Variants in RNF213 observed in about 807,000 individuals in gnomAD.
RNF213 encodes the protein ring finger protein 213, also known as E3 ubiquitin-protein ligase RNF213.
In RNF213, 341 loss-of-function variants were observed where a neutral mutation model predicts 514.4. That is an observed-to-expected ratio of 0.66 (90% confidence interval 0.61 to 0.73). RNF213 has a LOEUF of 0.73. Ranked by LOEUF, RNF213 falls within the 30% of genes least tolerant of loss-of-function variation. The pLI is 0.00. For synonymous variants in RNF213, 2,655 were observed against 2,658.2 expected, an observed-to-expected ratio of 1.00 and a Z score of 0.04; for missense variants, 5,767 against 6,615.6, an observed-to-expected ratio of 0.87 and a Z score of 4.45.
Position 80,393,452 on chromosome 17 carries a change from T to C in RNF213, c.15578T>C (p.Val5193Ala), listed in dbSNP as rs993335128. The change falls in exon 68 of 68, where the codon GTG becomes GCG. Residue 5193 changes from valine (V) to alanine (A), a missense_variant. Val to Ala is a moderately conservative substitution (Grantham distance 64). Transcript: ENST00000582970. ...EEILLASCVSVWKTAAVLKWN... is the reference protein window; with the variant it reads ...EEILLASCVSAWKTAAVLKWN... Reference sequence around the variant, plus strand: ...ATACTGCTCGCCAGCTGTGTCTCAGTGTGGAAAACAGCTGCTGTGCTGAAA... The same window carrying C: ...ATACTGCTCGCCAGCTGTGTCTCAGCGTGGAAAACAGCTGCTGTGCTGAAA... 1.5e-5 allele frequency: 25 copies of C among 1,614,072 alleles called. No homozygotes were observed. The Admixed American group carries it at 1.7e-4, about 11-fold the overall frequency.
Position 80,295,813 on chromosome 17 carries a change from GGTATTAT to G in RNF213, c.2012+1_2012+7del. 1 of 1,613,996 alleles carries G rather than the reference GGTATTAT, an allele frequency of 6.2e-7. No individual in the cohort carries two copies. Among genetic ancestry groups the G allele is most frequent in the Non-Finnish European group, 8.5e-7 (1 of 1,179,994 alleles). ...AGCCACATCCTTGGGATACCTCAGAGGTATTATTATTTTTTGTCAAAATGTTTTTTAT... is the reference window on the plus strand; with the variant it reads ...AGCCACATCCTTGGGATACCTCAGAGTATTTTTTGTCAAAATGTTTTTTAT... On this transcript the variant is annotated splice_donor_variant and splice_donor_5th_base_variant and intron_variant, in intron 10 of 67. Coordinates refer to ENST00000582970, the MANE Select transcript of RNF213 (RefSeq NM_001256071.3). LOFTEE classifies it high-confidence loss of function.
At chr17:80,376,839 A>C in intron 52 of RNF213, 43 bp from the exon 53 acceptor site, 1 of 1,542,308 alleles carries the variant, frequency 6.5e-7, no homozygotes, top group South Asian at 1.1e-5. Flanking sequence ...CCCAGGTGAC[A>C]AGCTCACTTA....
In RNF213 at chr17:80,337,649, C is replaced by G. The variant is rs368850066; in HGVS notation, c.4591C>G (p.Arg1531Gly). 2 of 1,537,272 alleles carry G rather than the reference C, an allele frequency of 1.3e-6. No homozygotes were observed. Among genetic ancestry groups the G allele is most frequent in the Non-Finnish European group, 1.7e-6 (2 of 1,146,922 alleles). Residue 1531 changes from arginine (R) to glycine (G), a missense_variant, in exon 24 of 68, where the codon CGC becomes GGC. Arg to Gly is a moderately radical substitution (Grantham distance 125). Around this residue, in one of 13 missense-constraint regions of RNF213, gnomAD observed 1,377 missense variants for 1,635.2 expected, o/e 0.84. Coordinates refer to ENST00000582970, the MANE Select transcript of RNF213 (RefSeq NM_001256071.3). ...GAATGAGAGTCATGGGTCTGTGGAACGCTCATCCCTGACCCTGGCCACGGC... is the reference window on the plus strand; with the variant it reads ...GAATGAGAGTCATGGGTCTGTGGAAGGCTCATCCCTGACCCTGGCCACGGC... The part of the protein sequence containing the change: ...TVNESHGSVE[R>G]SSLTLATAIN...
chr17:80,295,501 A>G, intron 9 of RNF213, 56 bp from the exon 10 acceptor site: 1 of 1,608,958 alleles, frequency 6.2e-7, no homozygotes, highest in African/African-American at 1.3e-5. Context: ...AGCTCTGGAC[A>G]CTGCCGGTGA....
intron 36 of RNF213, among the ~76,000 whole-genome samples, chr17:80,357,937 A>G (rs1033785006): frequency 1.3e-5 from 2 of 152,230 alleles, no homozygotes; most frequent in African/African-American, 2.4e-5. Context: ...ATGACGATCT[A>G]TGATTGTGTC....
In RNF213 at chr17:80,343,193, T is replaced by C. The variant is rs991227567; in HGVS notation, c.6051T>C (p.Asn2017=). 1.2e-6 allele frequency: 2 copies of C among 1,613,814 alleles called. No individual in the cohort carries two copies. Among genetic ancestry groups the C allele is most frequent in the African/African-American group, 2.7e-5 (2 of 74,846 alleles). The change falls in exon 27 of 68, where the codon AAT becomes AAC. Residue 2017 remains asparagine, a synonymous_variant. Coordinates refer to ENST00000582970, the MANE Select transcript of RNF213 (RefSeq NM_001256071.3). This position sits in a 1 kb window ranked among gnomAD's most constrained non-coding sequence, Gnocchi z 4.3. ...TGAAGATGCAGTTAAACGTGAAAAA[T>C]GTGCCTCTGAAAACAATTCGACTGA... ...DKMKMQLNVK[N]VPLKTIRLID... is the part of the protein sequence containing the mutation.
At chr17:80,376,235 T>C (rs1326353853) in intron 51 of RNF213, 66 bp from the exon 52 acceptor site, 3 of 1,566,596 alleles carry the variant, frequency 1.9e-6, no homozygotes, top group Admixed American at 1.7e-5. Context: ...GGTGTCAGTG[T>C]ATGTCTAAGA....
In RNF213 at chr17:80,315,322, T is replaced by A. The variant is rs867108566; in HGVS notation, c.2812-1866T>A. 2.7e-4 allele frequency among the ~76,000 whole-genome samples: 8 copies of A among 29,210 alleles called. 1 individual carries two copies. The highest frequency in any genetic ancestry group is 1.2e-3 in the East Asian group (1 of 820). The allele number at this position is 29,210 out of a possible 152,430, so 19.2% of individuals were successfully genotyped here. Reference sequence around the variant, plus strand: ...GAGGTAATGGAGGTGATGGTGGTGGTGGTGATGGTGGAGGTACTAGAGGTG... The same window carrying A: ...GAGGTAATGGAGGTGATGGTGGTGGAGGTGATGGTGGAGGTACTAGAGGTG... On this transcript the variant is annotated intron_variant, in intron 15 of 67. Coordinates refer to ENST00000582970, the MANE Select transcript of RNF213 (RefSeq NM_001256071.3).
In RNF213 at chr17:80,393,640, G is replaced by A. The variant is rs907079103; in HGVS notation, c.*142G>A. On this transcript the variant is annotated 3_prime_UTR_variant, in exon 68 of 68. Coordinates refer to ENST00000582970, the MANE Select transcript of RNF213 (RefSeq NM_001256071.3). ...GTAGCACCGAATTCAAGACCAAGGC[G>A]TGCTACCTGAGCTGACAGCTTTTTG... The A allele has an allele frequency of 5.4e-5, 47 of 873,492 alleles. No homozygotes were observed. Among genetic ancestry groups the A allele is most frequent in the African/African-American group, 4.5e-4 (27 of 59,524 alleles). The allele number at this position is 873,492 out of a possible 1,614,324, so 54.1% of individuals were successfully genotyped here.
In RNF213 at chr17:80,398,273, GTTCT is replaced by G. The variant is rs1282233287; in HGVS notation, c.*4778_*4781del. ...AAGTGTGTGTGTGCCCTTTTTACCT[GTTCT>G]TTGTTTTGTGGTATGCGTGTAGGGT... On this transcript the variant is annotated 3_prime_UTR_variant, in exon 68 of 68. Transcript: ENST00000582970. 13 of 152,148 alleles carry G rather than the reference GTTCT, an allele frequency of 8.5e-5. 1 individual carries two copies. The highest frequency in any genetic ancestry group is 3.4e-3 in the Middle Eastern group (1 of 294). The allele number at this position is 152,148 out of a possible 1,614,324, so 9.4% of individuals were successfully genotyped here. A position where few individuals can be genotyped will look rare whatever the true frequency, so the allele number is the denominator to read the frequency against.
intron 25 of RNF213, among the ~76,000 whole-genome samples, chr17:80,338,593 G>A (rs2078054754): frequency 6.6e-6 from 1 of 151,600 alleles, no homozygotes; most frequent in African/African-American, 2.4e-5. Context: ...TGACCAGCCT[G>A]GGCAACATAG....
chr17:80,291,778 G>T lies in RNF213; in HGVS notation c.1422G>T (p.Glu474Asp). ...ACAAGCACCAGCAGAAGAAGGGCGA[G>T]TACGTCAACCGCTGTCTGTTCATAA... The part of the protein sequence containing the change: ...FIYKHQQKKG[E>D]YVNRCLFIKS... Residue 474 changes from glutamate to aspartate, a missense_variant, in exon 8 of 68, where the codon GAG becomes GAT. Physicochemically the swap from Glu to Asp is conservative, Grantham distance 45 (BLOSUM62 2). Around this residue, in one of 13 missense-constraint regions of RNF213, gnomAD observed 592 missense variants for 673.9 expected, o/e 0.88. Coordinates refer to ENST00000582970, the MANE Select transcript of RNF213 (RefSeq NM_001256071.3). The T allele has an allele frequency of 6.2e-7, 1 of 1,614,228 alleles. No homozygotes were observed. The highest frequency in any genetic ancestry group is 8.5e-7 in the Non-Finnish European group (1 of 1,180,044).
intron 23 of RNF213, chr17:80,336,645 G>A (rs1224352695): frequency 6.5e-6 from 3 of 461,200 alleles, no homozygotes; most frequent in Non-Finnish European, 1.2e-5. Flanking sequence ...ATGCTGAAAC[G>A]TTGCCAGGAG....
chr17:80,369,531 G>A lies in RNF213; in HGVS notation c.12185G>A (p.Arg4062Gln), dbSNP rs1555676035. 4 of 1,613,916 alleles carry A rather than the reference G, an allele frequency of 2.5e-6. No homozygotes were observed. The highest frequency in any genetic ancestry group is 2.5e-6 in the Non-Finnish European group (3 of 1,180,040). The change falls in exon 45 of 68, where the codon CGG becomes CAG. Residue 4062 changes from arginine (R) to glutamine (Q), a missense_variant. By Grantham distance (43) the Arg-to-Gln change is conservative (BLOSUM62 1). This residue lies in a region of RNF213 where 93 missense variants were observed against 95.6 expected (regional missense o/e 0.97). Coordinates refer to ENST00000582970, the MANE Select transcript of RNF213 (RefSeq NM_001256071.3). ...REAIEKHARF[R>Q]QMCNSFFVDL... Reference sequence around the variant, plus strand: ...GCCATTGAAAAGCATGCCCGCTTCCGGCAGATGTGCAACAGTTTCTTCGTA... The same window carrying A: ...GCCATTGAAAAGCATGCCCGCTTCCAGCAGATGTGCAACAGTTTCTTCGTA...
chr17:80,312,156 GA>G (rs2045593763), intron 14 of RNF213, among the ~76,000 whole-genome samples: 1 of 151,972 alleles, frequency 6.6e-6, no homozygotes, highest in Non-Finnish European at 1.5e-5. Flanking sequence ...AAAAAGAAAA[GA>G]AAAAGACCAC....
Position 80,374,458 on chromosome 17 carries a change from G to C in RNF213, c.12943G>C (p.Gly4315Arg). The change falls in exon 50 of 68, where the codon GGG becomes CGG. Residue 4315 changes from glycine to arginine, a missense_variant and splice_region_variant. This residue lies in a region of RNF213 where 1,245 missense variants were observed against 1,339.0 expected (regional missense o/e 0.93). Transcript: ENST00000582970. ...CCCCCAACTAACCTCTGTATTCCAG[G>C]GGCTGCGGCAGGACCACCCAGGCCA... ...VFPKDVVKQQ[G>R]LRQDHPGQMD... The C allele has an allele frequency of 6.2e-7, 1 of 1,614,122 alleles. No individual in the cohort carries two copies.
Position 80,339,894 on chromosome 17 carries a change from GC to G in RNF213, c.5529del (p.Ala1844ProfsTer39). ...VVCGHSEVLP[A>X]ALAVYMQTPS... ...CTGTGGCCACTCCGAGGTGTTGCCA[GC>G]CGCCCTGGCTGTCTACATGCAAACC... On this transcript the variant is annotated frameshift_variant, in exon 26 of 68. Transcript: ENST00000582970. LOFTEE classifies it high-confidence loss of function. The G allele has an allele frequency of 2.0e-6, 3 of 1,536,986 alleles. No homozygotes were observed. The highest frequency in any genetic ancestry group is 2.6e-6 in the Non-Finnish European group (3 of 1,146,900).
chr17:80,301,138 A>G (rs2045162657), intron 11 of RNF213, among the ~76,000 whole-genome samples: 1 of 152,064 alleles, frequency 6.6e-6, no homozygotes, highest in African/African-American at 2.4e-5. Context: ...AAAGCTCCTC[A>G]GTTTAATTAG....
At chr17:80,385,715 A>G (rs550785127) in intron 61 of RNF213, 94 bp downstream of exon 61, 5 of 1,029,006 alleles carry the variant, frequency 4.9e-6, no homozygotes, top group African/African-American at 4.7e-5. Context: ...CCCTGTCAAC[A>G]CCCAGCACTG....
Sources: gnomAD v4.1 joint callset for allele counts (sites outside exome capture counted in the v4.1 genomes callset) on GRCh38, gnomAD v4.1.1 for gene constraint, gnomAD v4.1.1 regional missense constraint, Gnocchi (gnomAD v3.1) non-coding constraint, MANE v1.5 for transcripts, NCBI Gene and HGNC (gene_info 2026-07-23, HGNC 2026-07-21) for gene names.